FARS2: variants seen among roughly 807,000 people sequenced by gnomAD.
FARS2 encodes phenylalanine--tRNA ligase, mitochondrial.
A neutral mutation model predicts 46.4 loss-of-function variants in FARS2; 40 were observed. The ratio of observed to expected loss-of-function variants is 0.86; its 90% CI spans 0.67 to 1.12. The LOEUF (loss-of-function observed/expected upper bound fraction) is 1.12. FARS2 is among the 50% of genes most tolerant of loss of function. The pLI is 0.00. For missense variants in FARS2, 513 were observed against 567.9 expected, an observed-to-expected ratio of 0.90 and a Z score of 0.98; for synonymous variants, 234 against 214.9, an observed-to-expected ratio of 1.09 and a Z score of -0.78.
Position 5,528,000 on chromosome 6 carries a change from A to G in FARS2, c.905-17180A>G, listed in dbSNP as rs191916711. Among the ~76,000 whole-genome samples, 23 of 152,330 alleles carry G rather than the reference A, an allele frequency of 1.5e-4. No individual in the cohort carries two copies. The East Asian group carries it at 4.4e-3, about 29-fold the overall frequency. On this transcript the variant is annotated intron_variant, in intron 4 of 6. Coordinates refer to ENST00000274680, the MANE Select transcript of FARS2 (RefSeq NM_006567.5). Reference sequence around the variant, plus strand: ...GTGGTATGTGAGTCCTTGGTAGATCATATGCAAGTCAGTATATTTAGCCTT... The same window carrying G: ...GTGGTATGTGAGTCCTTGGTAGATCGTATGCAAGTCAGTATATTTAGCCTT...
intron 6 of FARS2, among the ~76,000 whole-genome samples, chr6:5,636,761 C>T (rs993315304): frequency 5.9e-5 from 9 of 152,172 alleles, no homozygotes; most frequent in Admixed American, 1.3e-4. Context: ...CTACTTGCCC[C>T]GAGGAGTTCA....
At chr6:5,253,559 C>T in the FARS2 span, among the ~76,000 whole-genome samples, 3 of 152,156 alleles carry the variant, frequency 2.0e-5, no homozygotes, top group Admixed American at 6.5e-5. Context: ...CGACAACTTG[C>T]GACAACTCAT....
rs546894677 is a variant in FARS2, at chr6:5,591,608, G to A, written c.1066-21561G>A. Among the ~76,000 whole-genome samples the A allele has an allele frequency of 7.6e-4, 116 of 152,224 alleles. 1 individual carries two copies. The highest frequency in any genetic ancestry group is 1.5e-3 in the Non-Finnish European group (103 of 68,036). On this transcript the variant is annotated intron_variant, in intron 5 of 6. Transcript: ENST00000274680. Reference sequence around the variant, plus strand: ...TCATTCATCTATACCATGGCATGTGGAGCTTGAAGGAACCTCAGCTTTATC... The same window carrying A: ...TCATTCATCTATACCATGGCATGTGAAGCTTGAAGGAACCTCAGCTTTATC...
At position 5,771,490 on chromosome 6, in the gene FARS2, A is replaced by T; in HGVS notation, c.*61A>T. 1 of 1,550,800 alleles carries T rather than the reference A, an allele frequency of 6.4e-7. No individual in the cohort carries two copies. Among genetic ancestry groups the T allele is most frequent in the African/African-American group, 1.4e-5 (1 of 72,326 alleles). ...GCTCCAGGATTTGCTGAAAGAGAAA[A>T]AGATATGGTTTGTGAACTGGGGCAT... On this transcript the variant is annotated 3_prime_UTR_variant, in exon 7 of 7. Transcript: ENST00000274680.
chr6:5,722,775 T>C (rs915406124), intron 6 of FARS2, among the ~76,000 whole-genome samples: 4 of 152,130 alleles, frequency 2.6e-5, no homozygotes, highest in African/African-American at 9.7e-5. Flanking sequence ...ATGTCCACCT[T>C]GTAGCCTCAG....
chr6:5,391,594 A>G (rs934862248), intron 2 of FARS2, among the ~76,000 whole-genome samples: 7 of 152,046 alleles, frequency 4.6e-5, no homozygotes, highest in Non-Finnish European at 8.8e-5. Context: ...TGGCTGGTAT[A>G]AAAATGACTA....
At chr6:5,602,841 A>T (rs7768677) in intron 5 of FARS2, among the ~76,000 whole-genome samples, 5,224 of 152,176 alleles carry the variant, frequency 0.034, 294 homozygotes, top group African/African-American at 0.12. Flanking sequence ...TATAATTTAT[A>T]ACCGGGTCAT....
chr6:5,300,151 G>T (rs1768194333), intron 1 of FARS2, among the ~76,000 whole-genome samples: 1 of 152,170 alleles, frequency 6.6e-6, no homozygotes, highest in Admixed American at 6.5e-5. Context: ...ATTTCCTGCT[G>T]TGTATCTCTT....
chr6:5,272,563 G>A (rs1350704560), intron 1 of FARS2: 1 of 151,786 alleles, frequency 6.6e-6, no homozygotes, highest in African/African-American at 2.4e-5. Flanking sequence ...ACATATTTTT[G>A]GGGTACATGT....
intron 6 of FARS2, among the ~76,000 whole-genome samples, chr6:5,701,914 A>C (rs1206345673): frequency 6.6e-6 from 1 of 152,246 alleles, no homozygotes; most frequent in African/African-American, 2.4e-5. Context: ...GTAAATATTA[A>C]AATAGATCTC....
chr6:5,479,116 T>TATCA (rs1286489818), intron 4 of FARS2, among the ~76,000 whole-genome samples: 4 of 152,240 alleles, frequency 2.6e-5, no homozygotes, highest in African/African-American at 9.6e-5. Context: ...TTGCAATGCG[T>TATCA]ATCAGCCTGT....
chr6:5,411,590 A>C (rs1433902663), intron 3 of FARS2, among the ~76,000 whole-genome samples: 1 of 152,126 alleles, frequency 6.6e-6, no homozygotes, highest in Non-Finnish European at 1.5e-5. Context: ...TTTTATTATT[A>C]TTATTGGATT....
At chr6:5,603,331 C>T (rs755449173) in intron 5 of FARS2, among the ~76,000 whole-genome samples, 5 of 152,252 alleles carry the variant, frequency 3.3e-5, no homozygotes, top group South Asian at 2.1e-4. Context: ...TAGATTTAGA[C>T]AGCTTGTTAC....
chr6:5,475,725 A>C (rs148169276), intron 4 of FARS2, among the ~76,000 whole-genome samples: 1 of 151,562 alleles, frequency 6.6e-6, no homozygotes, highest in Non-Finnish European at 1.5e-5. Context: ...TAGCTGAAAT[A>C]CTCCTACCCC....
chr6:5,689,287 TG>T (rs1174964700), intron 6 of FARS2, among the ~76,000 whole-genome samples: 1 of 152,224 alleles, frequency 6.6e-6, no homozygotes, highest in Non-Finnish European at 1.5e-5. Context: ...TTAATTGTGA[TG>T]TTAGGGTGTC....
intron 6 of FARS2, among the ~76,000 whole-genome samples, chr6:5,659,714 G>C (rs1236495695): frequency 6.6e-6 from 1 of 152,162 alleles, no homozygotes; most frequent in Non-Finnish European, 1.5e-5. Flanking sequence ...AAAAATCATG[G>C]TTCTTGCCTT....
chr6:5,305,107 G>GAA (rs1768603891), intron 1 of FARS2, among the ~76,000 whole-genome samples: 2 of 152,188 alleles, frequency 1.3e-5, no homozygotes, highest in Admixed American at 6.5e-5. Flanking sequence ...GAGTGCTTGT[G>GAA]TGGAGAAGGA....
At chr6:5,636,072 C>T (rs1457532123) in intron 6 of FARS2, among the ~76,000 whole-genome samples, 4 of 151,732 alleles carry the variant, frequency 2.6e-5, no homozygotes, top group South Asian at 4.2e-4. Context: ...GTGGGAGTGG[C>T]GCTTTAAAGA....
At chr6:5,312,464 T>C (rs1769144754) in intron 1 of FARS2, among the ~76,000 whole-genome samples, 1 of 152,210 alleles carries the variant, frequency 6.6e-6, no homozygotes, top group African/African-American at 2.4e-5. Context: ...GCTTAGAGAA[T>C]ACGTTAACAG....
Sources: allele counts gnomAD v4.1 joint callset (sites outside exome capture counted in the v4.1 genomes callset), GRCh38; gene constraint gnomAD v4.1.1; transcripts MANE v1.5; gene names NCBI Gene and HGNC (gene_info 2026-07-23, HGNC 2026-07-21).